The following SBF2 variants were observed in gnomAD, a reference collection of about 807,000 sequenced individuals.
The protein encoded by SBF2 is myotubularin-related protein 13.
SBF2 carries 112 observed loss-of-function variants against 225.2 expected under a neutral mutation model. The observed-to-expected ratio is 0.50, with a 90% CI of 0.43 to 0.58. The LOEUF (loss-of-function observed/expected upper bound fraction) is 0.58. Ranked by LOEUF, SBF2 falls within the 20% of genes least tolerant of loss-of-function variation. The pLI, the probability that SBF2 is intolerant of heterozygous loss-of-function variation, is 0.00. For missense variants in SBF2, 1,996 were observed against 2,206.2 expected (o/e 0.90, Z 1.91); for synonymous variants, 763 against 773.3 (o/e 0.99, Z 0.22).
chr11:9,813,703 A>G (rs756098272), intron 29 of SBF2, among the ~76,000 whole-genome samples: 2 of 152,208 alleles, frequency 1.3e-5, no homozygotes, highest in Admixed American at 1.3e-4. Flanking sequence ...GCAGTCTGGA[A>G]GGCTGAGGCA....
At chr11:10,092,282 T>A (rs1951814229) in intron 2 of SBF2, among the ~76,000 whole-genome samples, 1 of 152,176 alleles carries the variant, frequency 6.6e-6, no homozygotes, top group Non-Finnish European at 1.5e-5. Context: ...CTAATTTTTT[T>A]CTTGGAGATA....
At chr11:9,817,920 A>G (rs1854545095) in intron 28 of SBF2, among the ~76,000 whole-genome samples, 2 of 152,140 alleles carry the variant, frequency 1.3e-5, no homozygotes, top group Admixed American at 1.3e-4. Flanking sequence ...ATAAATGAAT[A>G]AAATGTACAG....
In SBF2 at chr11:9,895,988, G is replaced by T; in HGVS notation, c.1884C>A (p.Tyr628Ter). ...AAGGGAGTAATGCTGCGGCAATGTT[G>T]TATTCTTCTAAACTTGAACAATCCT... is the stretch of plus-strand genomic sequence containing the variant. ...TLQDCSSLEE[Y>*]NIAAALLPLT... Residue 628 changes from tyrosine to a stop codon, truncating the protein, a stop_gained, in exon 17 of 40, where the codon TAC becomes TAA. Transcript: ENST00000256190. LOFTEE classifies it high-confidence loss of function. 1 of 1,613,090 alleles carries T rather than the reference G, an allele frequency of 6.2e-7. No individual in the cohort carries two copies.
intron 2 of SBF2, among the ~76,000 whole-genome samples, chr11:10,189,538 T>A (rs1957074812): frequency 6.6e-6 from 1 of 152,216 alleles, no homozygotes; most frequent in South Asian, 2.1e-4. Flanking sequence ...ACCTGCACAA[T>A]GTGGAATACA....
At chr11:9,879,275 A>G (rs1859540699) in intron 17 of SBF2, among the ~76,000 whole-genome samples, 1 of 152,248 alleles carries the variant, frequency 6.6e-6, no homozygotes, top group African/African-American at 2.4e-5. Context: ...CTTTTTAGGG[A>G]CACATAGTTA....
intron 2 of SBF2, among the ~76,000 whole-genome samples, chr11:10,081,258 C>A (rs1299416296): frequency 1.3e-5 from 2 of 152,116 alleles, no homozygotes; most frequent in African/African-American, 4.8e-5. Flanking sequence ...AACCAGAAAT[C>A]AATTCCAAGA....
intron 26 of SBF2, chr11:9,839,112 A>G (rs939388615): frequency 1.9e-4 from 56 of 297,812 alleles, no homozygotes; most frequent in African/African-American, 1.2e-3. Flanking sequence ...TAAACTGAAA[A>G]TATTTACCAA....
chr11:9,867,159 A>G (rs988397117), intron 17 of SBF2, among the ~76,000 whole-genome samples: 2 of 152,202 alleles, frequency 1.3e-5, no homozygotes, highest in Non-Finnish European at 2.9e-5. Flanking sequence ...CAAAGGATAA[A>G]TGCTTGTGGG....
At chr11:9,814,484 C>A (rs1026237139) in intron 29 of SBF2, among the ~76,000 whole-genome samples, 8 of 151,896 alleles carry the variant, frequency 5.3e-5, no homozygotes, top group Middle Eastern at 3.4e-3. Context: ...TAGGAAAAAA[C>A]CCCCAGGGAA....
intron 17 of SBF2, among the ~76,000 whole-genome samples, chr11:9,863,308 C>T (rs1340522449): frequency 6.6e-6 from 1 of 152,192 alleles, no homozygotes; most frequent in Non-Finnish European, 1.5e-5. Context: ...CTGTTGAAGG[C>T]CTGTCTGGCT....
intron 24 of SBF2, among the ~76,000 whole-genome samples, chr11:9,845,289 A>T (rs929911841): frequency 1.3e-5 from 2 of 152,242 alleles, no homozygotes; most frequent in African/African-American, 4.8e-5. Context: ...AGTGATCAAT[A>T]TGGAAAAAAG....
At chr11:9,823,807 C>G (rs1854913487) in intron 28 of SBF2, among the ~76,000 whole-genome samples, 1 of 152,176 alleles carries the variant, frequency 6.6e-6, no homozygotes, top group Non-Finnish European at 1.5e-5. Context: ...CTAGAGATCA[C>G]AGAGAATGTT....
At chr11:9,940,495 G>A (rs1021866551) in intron 16 of SBF2, among the ~76,000 whole-genome samples, 1 of 152,198 alleles carries the variant, frequency 6.6e-6, no homozygotes, top group Non-Finnish European at 1.5e-5. Context: ...GAGCAGCTGT[G>A]TAGTACCCAA....
At position 9,962,049 on chromosome 11, in the gene SBF2, C is replaced by T. The variant is rs1565064376; in HGVS notation, c.1768G>A (p.Asp590Asn). ...KGKAARQCLT[D>N]ELGLHVQQNR... ...TGCTGGACATGCAAACCCAATTCAT[C>T]AGTGAGACACTGTCTTGCTGCCTTT... Residue 590 changes from aspartate to asparagine, a missense_variant, in exon 16 of 40, where the codon GAT becomes AAT. Transcript: ENST00000256190. The T allele has an allele frequency of 6.2e-7, 1 of 1,614,074 alleles. No homozygotes were observed. The highest frequency in any genetic ancestry group is 8.5e-7 in the Non-Finnish European group (1 of 1,179,954).
At chr11:9,989,735 GT>G in intron 12 of SBF2, 140 bp from the exon 13 acceptor site, 3 of 609,294 alleles carry the variant, frequency 4.9e-6, no homozygotes, top group Non-Finnish European at 8.6e-6. Flanking sequence ...AGGTTTTGGG[GT>G]TTCACCTCCA....
At chr11:9,795,997 A>G (rs1360885760) in intron 32 of SBF2, 40 bp from the exon 33 acceptor site, 1 of 1,606,438 alleles carries the variant, frequency 6.2e-7, no homozygotes, top group Non-Finnish European at 8.5e-7. Flanking sequence ...AGAATCAAAC[A>G]GAACAAAAAG....
intron 16 of SBF2, among the ~76,000 whole-genome samples, chr11:9,919,021 T>C (rs936082832): frequency 2.6e-5 from 4 of 152,066 alleles, no homozygotes; most frequent in East Asian, 1.9e-4. Flanking sequence ...GGATTACAGG[T>C]GTGAGCCACT....
chr11:10,271,196 CTTTTTT>C (rs35931698), intron 1 of SBF2, among the ~76,000 whole-genome samples: 1 of 81,082 alleles, frequency 1.2e-5, no homozygotes, highest in African/African-American at 4.1e-5. Context: ...AATCTTGATT[CTTTTTT>C]TTTTTTTTTT....
chr11:10,129,839 T>TAAAC (rs576407665), intron 2 of SBF2, among the ~76,000 whole-genome samples: 249 of 151,956 alleles, frequency 1.6e-3, no homozygotes, highest in African/African-American at 5.3e-3. Context: ...CCCCCATCTC[T>TAAAC]AAACAAACAA....
Sources: gnomAD v4.1 joint callset for allele counts (sites outside exome capture counted in the v4.1 genomes callset) on GRCh38, gnomAD v4.1.1 for gene constraint, MANE v1.5 for transcripts, NCBI Gene and HGNC (gene_info 2026-07-23, HGNC 2026-07-21) for gene names.